Variants in RPS6KC1 observed in about 807,000 individuals in gnomAD.
RPS6KC1 encodes the protein ribosomal protein S6 kinase C1.
Under a neutral mutation model 103.8 loss-of-function variants are expected in RPS6KC1, and 54 were observed. The observed-to-expected ratio is 0.52, with a 90% CI of 0.42 to 0.65. RPS6KC1 has a LOEUF of 0.65. Among genes scored for constraint, RPS6KC1 ranks in the 30% least tolerant of loss-of-function variants. The probability of loss-of-function intolerance (pLI) is 0.00; values close to 1 mark genes in which losing one functional copy is unlikely to be tolerated. For missense variants in RPS6KC1, 1,151 were observed against 1,253.8 expected, an observed-to-expected ratio of 0.92 and a Z score of 1.24; for synonymous variants, 439 against 438.7, an observed-to-expected ratio of 1.00 and a Z score of -0.01.
At chr1:213,315,747 T>C in the RPS6KC1 span, among the ~76,000 whole-genome samples, 1 of 152,336 alleles carries the variant, frequency 6.6e-6, no homozygotes, top group African/African-American at 2.4e-5. Context: ...ACAGATGACT[T>C]GCTCTATTAG....
the RPS6KC1 span, among the ~76,000 whole-genome samples, chr1:213,468,972 C>T: frequency 6.6e-6 from 1 of 152,192 alleles, no homozygotes; most frequent in East Asian, 1.9e-4. Flanking sequence ...TTCTAGGTCT[C>T]AGCTTACTTA....
chr1:213,796,785 G>T, the RPS6KC1 span, among the ~76,000 whole-genome samples: 2 of 152,202 alleles, frequency 1.3e-5, no homozygotes, highest in Non-Finnish European at 2.9e-5. Context: ...AAATGATAGT[G>T]ATCAAAGTTT....
In RPS6KC1 at chr1:213,077,792, C is replaced by A; in HGVS notation, c.238C>A (p.Pro80Thr). The A allele has an allele frequency of 6.4e-7, 1 of 1,559,762 alleles. No individual in the cohort carries two copies. Among genetic ancestry groups the A allele is most frequent in the Non-Finnish European group, 8.7e-7 (1 of 1,147,876 alleles). The change falls in exon 3 of 15, where the codon CCA (proline) becomes ACA (threonine). Residue 80 changes from proline (P) to threonine (T), a missense_variant. Transcript: ENST00000366960. ...NLFRHSELFP[P>T]FAKGIVFGRF... Reference sequence around the variant, plus strand: ...ATTCCGACATTCAGAGTTGTTTCCTCCATTTGCTAAAGGAATAGTGTTTGG... The same window carrying A: ...ATTCCGACATTCAGAGTTGTTTCCTACATTTGCTAAAGGAATAGTGTTTGG...
chr1:213,458,892 T>A, the RPS6KC1 span, among the ~76,000 whole-genome samples: 86 of 152,320 alleles, frequency 5.6e-4, 1 homozygote, highest in East Asian at 0.013. Flanking sequence ...TTGGTTCTGT[T>A]TATGTGATGG....
At chr1:213,344,197 G>C in the RPS6KC1 span, among the ~76,000 whole-genome samples, 5 of 152,182 alleles carry the variant, frequency 3.3e-5, no homozygotes, top group African/African-American at 1.2e-4. Context: ...CAGTCTGCCA[G>C]CTGTGCAACA....
At chr1:213,107,361 C>G (rs2082600814) in intron 4 of RPS6KC1, among the ~76,000 whole-genome samples, 1 of 152,148 alleles carries the variant, frequency 6.6e-6, no homozygotes, top group African/African-American at 2.4e-5. Context: ...TTGCCTTTCC[C>G]CATAATTTCA....
chr1:213,764,948 G>C, the RPS6KC1 span, among the ~76,000 whole-genome samples: 2 of 152,176 alleles, frequency 1.3e-5, no homozygotes. Context: ...TCTCCCTATA[G>C]GGGGCAGGGG....
chr1:213,089,082 A>G (rs1166113423), intron 3 of RPS6KC1, among the ~76,000 whole-genome samples: 1 of 152,248 alleles, frequency 6.6e-6, no homozygotes, highest in Non-Finnish European at 1.5e-5. Flanking sequence ...GATATATGTA[A>G]TAGAGGTAAC....
At chr1:213,554,254 T>C in the RPS6KC1 span, among the ~76,000 whole-genome samples, 2 of 152,202 alleles carry the variant, frequency 1.3e-5, no homozygotes, top group Non-Finnish European at 2.9e-5. Flanking sequence ...GCTAACCAGC[T>C]CTCCCAGCAC....
chr1:213,613,668 G>A, the RPS6KC1 span, among the ~76,000 whole-genome samples: 5 of 152,156 alleles, frequency 3.3e-5, no homozygotes, highest in African/African-American at 1.2e-4. Context: ...TGCAAACAAA[G>A]GCTTGAAGAG....
the RPS6KC1 span, among the ~76,000 whole-genome samples, chr1:213,361,499 A>C: frequency 3.3e-5 from 5 of 152,348 alleles, no homozygotes; most frequent in Middle Eastern, 0.014. Flanking sequence ...GACCCCTTGC[A>C]GTTCCCAGGT....
At chr1:213,525,903 A>G in the RPS6KC1 span, among the ~76,000 whole-genome samples, 6 of 152,202 alleles carry the variant, frequency 3.9e-5, no homozygotes, top group African/African-American at 1.4e-4. Context: ...AAGAGGACAG[A>G]AAGTGGAAAC....
the RPS6KC1 span, among the ~76,000 whole-genome samples, chr1:213,770,130 T>A: frequency 3.3e-5 from 5 of 152,190 alleles, no homozygotes; most frequent in Admixed American, 2.0e-4. Context: ...ATGGGTTTTT[T>A]AAAATTCCTG....
chr1:213,437,594 G>T, the RPS6KC1 span, among the ~76,000 whole-genome samples: 2 of 151,852 alleles, frequency 1.3e-5, no homozygotes, highest in Non-Finnish European at 2.9e-5. Flanking sequence ...AAGGATATCT[G>T]GGTCTAGAAT....
chr1:213,831,676 G>A, the RPS6KC1 span, among the ~76,000 whole-genome samples: 1 of 152,060 alleles, frequency 6.6e-6, no homozygotes, highest in Non-Finnish European at 1.5e-5. Context: ...AATAATTAAT[G>A]TAACAATTTA....
chr1:213,339,017 A>C, the RPS6KC1 span, among the ~76,000 whole-genome samples: 5 of 152,054 alleles, frequency 3.3e-5, no homozygotes, highest in African/African-American at 1.2e-4. Flanking sequence ...TAATCTCAGC[A>C]CTTTGGGAGG....
chr1:213,593,507 A>T, the RPS6KC1 span, among the ~76,000 whole-genome samples: 1 of 152,182 alleles, frequency 6.6e-6, no homozygotes, highest in African/African-American at 2.4e-5. Flanking sequence ...ATACACATAA[A>T]AGTAGTTCAG....
chr1:213,521,498 A>C, the RPS6KC1 span, among the ~76,000 whole-genome samples: 22 of 152,200 alleles, frequency 1.4e-4, no homozygotes, highest in Non-Finnish European at 2.6e-4. Flanking sequence ...AAGATAAGGT[A>C]ATAAGGAAGT....
At chr1:213,328,478 G>A in the RPS6KC1 span, among the ~76,000 whole-genome samples, 4 of 140,180 alleles carry the variant, frequency 2.9e-5, no homozygotes, top group African/African-American at 1.0e-4. Flanking sequence ...GTTCAACTTA[G>A]TAGGAACTGG....
Sources: allele counts gnomAD v4.1 joint callset (sites outside exome capture counted in the v4.1 genomes callset), GRCh38; gene constraint gnomAD v4.1.1; transcripts MANE v1.5; gene names NCBI Gene and HGNC (gene_info 2026-07-23, HGNC 2026-07-21).